The following CSMD3 variants were observed in gnomAD, a reference collection of about 807,000 sequenced individuals.
The protein encoded by CSMD3 is CUB and Sushi multiple domains 3.
A neutral mutation model predicts 435.2 loss-of-function variants in CSMD3; 177 were observed. The ratio of observed to expected loss-of-function variants is 0.41; its 90% CI spans 0.36 to 0.46. CSMD3 has a LOEUF of 0.46. Ranked by LOEUF, CSMD3 falls within the 20% of genes least tolerant of loss-of-function variation. The probability of loss-of-function intolerance (pLI) is 0.34; values close to 1 mark genes in which losing one functional copy is unlikely to be tolerated. For synonymous variants in CSMD3, 1,656 were observed against 1,520.5 expected, an observed-to-expected ratio of 1.09 and a Z score of -2.07; for missense variants, 4,265 against 4,504.6, an observed-to-expected ratio of 0.95 and a Z score of 1.52.
intron 10 of CSMD3, among the ~76,000 whole-genome samples, chr8:112,888,108 A>C (rs924757712): frequency 5.9e-5 from 9 of 151,716 alleles, no homozygotes; most frequent in Admixed American, 3.3e-4. Flanking sequence ...CAGTGATTTC[A>C]CCATTCCCTG....
At chr8:112,387,982 T>C (rs1369083241) in intron 36 of CSMD3, among the ~76,000 whole-genome samples, 2 of 152,168 alleles carry the variant, frequency 1.3e-5, no homozygotes, top group African/African-American at 4.8e-5. Flanking sequence ...AGATAATTAG[T>C]AGTAACATTG....
rs142085171 is a variant in CSMD3, at chr8:113,065,410, G to A, written c.917+33346C>T. On this transcript the variant is annotated intron_variant, in intron 5 of 70. Coordinates refer to ENST00000297405, the MANE Select transcript of CSMD3 (RefSeq NM_198123.2). ...TTGTTTGTTTGTTTGTTTTTCAGAC[G>A]GAGTCTCGCTCTGTCGCCCAGGATG... Among the ~76,000 whole-genome samples, 361 of 151,866 alleles carry A rather than the reference G, an allele frequency of 2.4e-3. 1 individual carries two copies. The highest frequency in any genetic ancestry group is 4.2e-3 in the Non-Finnish European group (285 of 67,932).
rs537446870 is a variant in CSMD3, at chr8:113,236,127, A to C, written c.514+42465T>G. 6.6e-5 allele frequency among the ~76,000 whole-genome samples: 10 copies of C among 152,278 alleles called. No individual in the cohort carries two copies. In the East Asian group the frequency reaches 1.7e-3, roughly 26 times the overall value. ...TTTGAATAGTAAAAAACACACCACT[A>C]GGTGGAGATTTTATATGCTAATGAT... On this transcript the variant is annotated intron_variant, in intron 3 of 70. Transcript: ENST00000297405.
chr8:112,637,229 G>A (rs1308545939), intron 21 of CSMD3, among the ~76,000 whole-genome samples: 1 of 152,044 alleles, frequency 6.6e-6, no homozygotes, highest in Non-Finnish European at 1.5e-5. Flanking sequence ...ATTCAATATA[G>A]ATGAGAAAAT....
chr8:112,708,169 T>A (rs1476474762), intron 13 of CSMD3, among the ~76,000 whole-genome samples: 1 of 151,782 alleles, frequency 6.6e-6, no homozygotes, highest in Admixed American at 6.6e-5. Flanking sequence ...TTCAAGGAAG[T>A]TAAATTTCAT....
intron 5 of CSMD3, among the ~76,000 whole-genome samples, chr8:113,067,254 T>C (rs376663479): frequency 6.6e-6 from 1 of 152,152 alleles, no homozygotes; most frequent in Non-Finnish European, 1.5e-5. Flanking sequence ...AATGTGAGAA[T>C]GGACTAATAC....
At chr8:112,690,154 G>T in intron 13 of CSMD3, 104 bp from the exon 14 acceptor site, 1 of 841,550 alleles carries the variant, frequency 1.2e-6, no homozygotes, top group Non-Finnish European at 2.0e-6. Flanking sequence ...AGATATTTCA[G>T]AACAAAAAAT....
chr8:112,305,920 G>C, intron 51 of CSMD3, 87 bp downstream of exon 51: 4 of 1,173,692 alleles, frequency 3.4e-6, no homozygotes, highest in Non-Finnish European at 5.1e-6. Context: ...TTAGGGATTG[G>C]TTTTTATAAT....
chr8:112,249,503 T>C (rs1004310583), intron 63 of CSMD3, among the ~76,000 whole-genome samples: 1 of 152,082 alleles, frequency 6.6e-6, no homozygotes. Context: ...CAATAGACAA[T>C]TATAATAATC....
intron 8 of CSMD3, among the ~76,000 whole-genome samples, chr8:112,954,005 A>G (rs774593912): frequency 1.2e-4 from 18 of 151,190 alleles, no homozygotes; most frequent in South Asian, 6.2e-4. Flanking sequence ...TGACTACAAA[A>G]ATACATAGCT....
At chr8:113,134,552 A>T (rs1052254057) in intron 4 of CSMD3, among the ~76,000 whole-genome samples, 2 of 152,048 alleles carry the variant, frequency 1.3e-5, no homozygotes, top group African/African-American at 4.8e-5. Flanking sequence ...ATAGATGACA[A>T]CTGTAATCTT....
rs1563632625 is a variant in CSMD3 at position 112,506,676 on chromosome 8, T to C, written c.4895+15A>G. The stretch of plus-strand genomic sequence containing the variant: ...TATATTTTTTTAACGTGGAAATAAA[T>C]ATATAAGAACTCACCTGATGAACGC... On this transcript the variant is annotated intron_variant, in intron 29 of 70. Coordinates refer to ENST00000297405, the MANE Select transcript of CSMD3 (RefSeq NM_198123.2). 2.7e-5 allele frequency: 43 copies of C among 1,612,282 alleles called. No homozygotes were observed. The highest frequency in any genetic ancestry group is 3.6e-5 in the Non-Finnish European group (42 of 1,178,564).
chr8:113,308,307 C>G (rs907442833), intron 2 of CSMD3, among the ~76,000 whole-genome samples: 1 of 110,472 alleles, frequency 9.1e-6, no homozygotes, highest in African/African-American at 3.5e-5. Context: ...CTCGCTCCGT[C>G]ACCCAGGCTG....
At position 112,492,524 on chromosome 8, in the gene CSMD3, C is replaced by T; in HGVS notation, c.5243G>A (p.Arg1748Lys). 6.2e-7 allele frequency: 1 copy of T among 1,613,956 alleles called. No homozygotes were observed. The highest frequency in any genetic ancestry group is 1.7e-5 in the Admixed American group (1 of 60,020). The change falls in exon 31 of 71, where the codon AGA (arginine) becomes AAA (lysine). Residue 1748 changes from arginine to lysine, a missense_variant. Arg to Lys is a conservative substitution (Grantham distance 26). Around this residue, in one of 3 missense-constraint regions of CSMD3, gnomAD observed 3,255 missense variants for 3,380.2 expected, o/e 0.96. Transcript: ENST00000297405. ...TGGCAAGGCTCTATTCCATCCAGGT[C>T]TTCCATCATCTCCCATGATACAGGT... Reference protein sequence around the residue: ...TLTCIMGDDGRPGWNRALPSC... With the variant: ...TLTCIMGDDGKPGWNRALPSC...
chr8:112,529,432 A>G (rs926538102), intron 27 of CSMD3, among the ~76,000 whole-genome samples: 1 of 152,114 alleles, frequency 6.6e-6, no homozygotes, highest in Non-Finnish European at 1.5e-5. Flanking sequence ...TACAAAAAGT[A>G]CAAAAATTAG....
chr8:113,282,222 C>T (rs2093617909), intron 2 of CSMD3, among the ~76,000 whole-genome samples: 1 of 151,896 alleles, frequency 6.6e-6, no homozygotes, highest in African/African-American at 2.4e-5. Context: ...GAAGTCCTAG[C>T]CAAAGCAATC....
intron 6 of CSMD3, among the ~76,000 whole-genome samples, chr8:112,987,639 T>C (rs542666080): frequency 4.6e-5 from 7 of 152,252 alleles, no homozygotes; most frequent in African/African-American, 1.7e-4. Context: ...TGATCTTAAC[T>C]TCTGTGAAAT....
intron 63 of CSMD3, among the ~76,000 whole-genome samples, chr8:112,253,600 A>G (rs2130246995): frequency 6.6e-6 from 1 of 152,072 alleles, no homozygotes; most frequent in African/African-American, 2.4e-5. Context: ...ATCAGTATGC[A>G]CTTTGGCTCC....
intron 10 of CSMD3, among the ~76,000 whole-genome samples, chr8:112,905,575 G>T (rs932644981): frequency 6.6e-6 from 1 of 151,352 alleles, no homozygotes; most frequent in Non-Finnish European, 1.5e-5. Flanking sequence ...TGGAGATAGT[G>T]TCTCCCTCCA....
Sources: allele counts gnomAD v4.1 joint callset (sites outside exome capture counted in the v4.1 genomes callset), GRCh38; gene constraint gnomAD v4.1.1; regional missense constraint gnomAD v4.1.1; transcripts MANE v1.5; gene names NCBI Gene and HGNC (gene_info 2026-07-23, HGNC 2026-07-21).